Variants in RGS7 observed in about 807,000 individuals in gnomAD.
The protein encoded by RGS7 is regulator of G-protein signaling 7.
A neutral mutation model predicts 81.1 loss-of-function variants in RGS7; 27 were observed. That is an observed-to-expected ratio of 0.33 (90% CI 0.25 to 0.46). The LOEUF (loss-of-function observed/expected upper bound fraction) is 0.46, where lower values mean the gene tolerates loss of function less well. Ranked by LOEUF, RGS7 falls within the 20% of genes least tolerant of loss-of-function variation. The pLI is 1.00. For synonymous variants in RGS7, 208 were observed against 207.7 expected (o/e 1.00, Z -0.01); for missense variants, 396 against 607.4 (o/e 0.65, Z 3.66).
At chr1:240,896,523 C>A (rs1430621404) in intron 6 of RGS7, among the ~76,000 whole-genome samples, 2 of 152,160 alleles carry the variant, frequency 1.3e-5, no homozygotes, top group African/African-American at 4.8e-5. Flanking sequence ...TTTCCCAGCA[C>A]CATTTATTAA....
At chr1:241,171,273 A>G (rs900753827) in intron 2 of RGS7, among the ~76,000 whole-genome samples, 1 of 151,800 alleles carries the variant, frequency 6.6e-6, no homozygotes, top group Non-Finnish European at 1.5e-5. Context: ...CCAACATACT[A>G]AAAAAAAATC....
At chr1:241,116,468 G>C (rs2065892691) in intron 2 of RGS7, among the ~76,000 whole-genome samples, 1 of 152,152 alleles carries the variant, frequency 6.6e-6, no homozygotes, top group Non-Finnish European at 1.5e-5. Context: ...GGCTCTGGCT[G>C]CTGGCTTCCC....
At position 241,058,175 on chromosome 1, in the gene RGS7, T is replaced by A. The variant is rs76733780; in HGVS notation, c.175+40491A>T. Among the ~76,000 whole-genome samples, 818 of 152,278 alleles carry A rather than the reference T, an allele frequency of 5.4e-3. 9 individuals carry two copies. Among genetic ancestry groups the A allele is most frequent in the African/African-American group, 0.019 (783 of 41,550 alleles). On this transcript the variant is annotated intron_variant, in intron 3 of 18. Transcript: ENST00000440928. ...GGGCAAATGGGCTCAAACATGTGCA[T>A]TAAGAGGCAAAATGGCAGAGTTTCA...
At chr1:240,812,516 C>T (rs910972807) in intron 13 of RGS7, among the ~76,000 whole-genome samples, 2 of 151,046 alleles carry the variant, frequency 1.3e-5, no homozygotes, top group African/African-American at 4.9e-5. Context: ...CTCACTGCAA[C>T]CTCCACCTCC....
intron 9 of RGS7, among the ~76,000 whole-genome samples, chr1:240,827,961 C>A (rs544378126): frequency 3.3e-5 from 5 of 151,460 alleles, no homozygotes; most frequent in Admixed American, 1.3e-4. Context: ...TGAGCCAGCT[C>A]ACATCCCAGA....
chr1:240,893,609 AAAAAC>A (rs1668599596), intron 6 of RGS7, among the ~76,000 whole-genome samples: 1 of 152,116 alleles, frequency 6.6e-6, no homozygotes, highest in African/African-American at 2.4e-5. Context: ...TGCATTAAAA[AAAAAC>A]AAAACTCCAA....
intron 4 of RGS7, among the ~76,000 whole-genome samples, chr1:240,981,303 T>C (rs907867364): frequency 2.6e-5 from 4 of 151,706 alleles, no homozygotes; most frequent in Non-Finnish European, 4.4e-5. Flanking sequence ...AGAGGCAGGG[T>C]TTTTCACCGT....
chr1:241,082,863 ATAAAT>A (rs2063214189), intron 3 of RGS7, among the ~76,000 whole-genome samples: 1 of 152,222 alleles, frequency 6.6e-6, no homozygotes, highest in South Asian at 2.1e-4. Context: ...ATAAGATAAG[ATAAAT>A]TATTTCTCTA....
chr1:241,074,804 G>A (rs921468542), intron 3 of RGS7, among the ~76,000 whole-genome samples: 1 of 152,134 alleles, frequency 6.6e-6, no homozygotes, highest in African/African-American at 2.4e-5. Context: ...CAGGAAAAGG[G>A]GAGAAGGCTT....
At chr1:241,351,809 T>C (rs1343088747) in intron 2 of RGS7, among the ~76,000 whole-genome samples, 1 of 152,194 alleles carries the variant, frequency 6.6e-6, no homozygotes, top group African/African-American at 2.4e-5. Context: ...CCATGTTTAC[T>C]GCAGTAAGAT....
chr1:240,859,149 A>G (rs1572452301), intron 9 of RGS7, among the ~76,000 whole-genome samples: 1 of 151,948 alleles, frequency 6.6e-6, no homozygotes, highest in Non-Finnish European at 1.5e-5. Flanking sequence ...TATTGATTCA[A>G]TTTCTTCATT....
At chr1:240,965,635 C>G (rs1472718092) in intron 4 of RGS7, among the ~76,000 whole-genome samples, 2 of 152,134 alleles carry the variant, frequency 1.3e-5, no homozygotes, top group African/African-American at 4.8e-5. Flanking sequence ...GAGGGGCCGT[C>G]AGCTGCCAGA....
At chr1:241,034,382 G>A (rs1282860731) in intron 3 of RGS7, among the ~76,000 whole-genome samples, 2 of 152,184 alleles carry the variant, frequency 1.3e-5, no homozygotes, top group East Asian at 1.9e-4. Flanking sequence ...TGTTGCCGGA[G>A]TAACTAACAA....
chr1:240,833,200 A>C (rs758136697), intron 9 of RGS7, among the ~76,000 whole-genome samples: 4 of 152,204 alleles, frequency 2.6e-5, no homozygotes, highest in Non-Finnish European at 4.4e-5. Flanking sequence ...TCGATCTGAT[A>C]ACCTAGAAGA....
At chr1:240,791,798 C>T (rs561696583) in intron 18 of RGS7, among the ~76,000 whole-genome samples, 1 of 152,254 alleles carries the variant, frequency 6.6e-6, no homozygotes, top group East Asian at 1.9e-4. Flanking sequence ...AACTTTACAT[C>T]AACAACTTCC....
chr1:241,030,493 TACACACACACAC>T (rs10649050), intron 3 of RGS7, among the ~76,000 whole-genome samples: 7 of 140,454 alleles, frequency 5.0e-5, no homozygotes, highest in African/African-American at 1.6e-4. Context: ...TATATAGATG[TACACACACACAC>T]ACACACACAC....
At chr1:241,018,496 GTTTTGT>G (rs576883720) in intron 3 of RGS7, among the ~76,000 whole-genome samples, 86 of 152,006 alleles carry the variant, frequency 5.7e-4, no homozygotes, top group African/African-American at 1.9e-3. Flanking sequence ...TCTAGTGTTT[GTTTTGT>G]TTTTGTTTTT....
chr1:241,317,496 G>A (rs568190465), intron 2 of RGS7, among the ~76,000 whole-genome samples: 25 of 152,128 alleles, frequency 1.6e-4, no homozygotes, highest in African/African-American at 4.8e-4. Context: ...CTTTTCTTAC[G>A]TCTCCCTATG....
chr1:241,229,202 C>G (rs2075503019), intron 2 of RGS7, among the ~76,000 whole-genome samples: 1 of 152,132 alleles, frequency 6.6e-6, no homozygotes, highest in Non-Finnish European at 1.5e-5. Context: ...TCTGATAAAG[C>G]CAGAACAGAT....
Sources: allele counts gnomAD v4.1 joint callset (sites outside exome capture counted in the v4.1 genomes callset), GRCh38; gene constraint gnomAD v4.1.1; transcripts MANE v1.5; gene names NCBI Gene and HGNC (gene_info 2026-07-23, HGNC 2026-07-21).